CCAT2: variants seen among roughly 807,000 people sequenced by gnomAD.
CCAT2 encodes the protein colon cancer associated transcript 2.
exon 1 of CCAT2, chr8:127,401,761 T>C (rs1021614469): frequency 6.6e-6 from 1 of 152,184 alleles, no homozygotes; most frequent in Non-Finnish European, 1.5e-5. Flanking sequence ...ATCACCAACA[T>C]TTATGTGGTC....
At chr8:127,401,166 G>T (rs1377830492) in exon 1 of CCAT2, 2 of 152,186 alleles carry the variant, frequency 1.3e-5, no homozygotes, top group Non-Finnish European at 1.5e-5. Flanking sequence ...TGAATCAAAG[G>T]GCAGGAACCC....
chr8:127,400,680 C>T (rs1213690407), exon 1 of CCAT2: 2 of 152,176 alleles, frequency 1.3e-5, no homozygotes, highest in Non-Finnish European at 2.9e-5. Flanking sequence ...AATTAACTAC[C>T]TATTTGAATT....
exon 1 of CCAT2, chr8:127,402,131 G>A (rs998274732): frequency 6.6e-6 from 1 of 152,154 alleles, no homozygotes; most frequent in Non-Finnish European, 1.5e-5. Context: ...AGAGCCGTGG[G>A]CAACATCAGC....
chr8:127,401,639 A>G (rs1814939872), exon 1 of CCAT2: 1 of 152,206 alleles, frequency 6.6e-6, no homozygotes, highest in South Asian at 2.1e-4. Context: ...AGTTTACGTC[A>G]GCTTTTAAAG....
At chr8:127,401,556 G>A (rs919425391) in exon 1 of CCAT2, 1 of 152,180 alleles carries the variant, frequency 6.6e-6, no homozygotes, top group Non-Finnish European at 1.5e-5. Context: ...CAATGCATTG[G>A]TGAGCTGTGT....
chr8:127,401,121 G>T (rs1279669811), exon 1 of CCAT2: 1 of 152,186 alleles, frequency 6.6e-6, no homozygotes, highest in East Asian at 1.9e-4. Context: ...TTATGTGGGG[G>T]AGGGAGCCGG....
exon 1 of CCAT2, chr8:127,401,028 C>G (rs1006405708): frequency 6.6e-6 from 1 of 152,206 alleles, no homozygotes; most frequent in Non-Finnish European, 1.5e-5. Flanking sequence ...GAGTTAATAC[C>G]CTCATCGTCC....
exon 1 of CCAT2, chr8:127,401,538 G>T (rs79101886): frequency 0.059 from 9,054 of 152,236 alleles, 386 homozygotes; most frequent in Non-Finnish European, 0.086. Context: ...TACCAGTTTG[G>T]CCTATATCAA....
At chr8:127,400,428 G>A (rs1171735037) in exon 1 of CCAT2, 2 of 152,220 alleles carry the variant, frequency 1.3e-5, no homozygotes, top group East Asian at 1.9e-4. Flanking sequence ...TTTCCTGGAT[G>A]TTCTGGGTCT....
In CCAT2 at chr8:127,400,693, GA is replaced by G. The variant is rs1194628839; in HGVS notation, n.300del. The stretch of plus-strand genomic sequence containing the variant: ...GTAATTAACTACCTATTTGAATTTG[GA>G]AAAATCACCATCAACTTTCCCAGCC... On this transcript the variant is annotated non_coding_transcript_exon_variant, in exon 1 of 1. Transcript: ENST00000630920. 2.6e-5 allele frequency: 4 copies of G among 152,310 alleles called. No individual in the cohort carries two copies. In the East Asian group the frequency reaches 7.7e-4, roughly 29 times the overall value. The allele number at this position is 152,310 out of a possible 1,614,324, so 9.4% of individuals were successfully genotyped here.
At chr8:127,402,124 G>A (rs1259015197) in exon 1 of CCAT2, 1 of 152,172 alleles carries the variant, frequency 6.6e-6, no homozygotes, top group Non-Finnish European at 1.5e-5. Context: ...TGGGAAGAGA[G>A]CCGTGGGCAA....
At chr8:127,401,564 T>C (rs67180956) in exon 1 of CCAT2, 9,160 of 152,264 alleles carry the variant, frequency 0.06, 309 homozygotes, top group African/African-American at 0.094. Flanking sequence ...TGGTGAGCTG[T>C]GTTTTGTTTA....
exon 1 of CCAT2, chr8:127,401,723 G>A (rs1016991996): frequency 6.6e-6 from 1 of 152,188 alleles, no homozygotes; most frequent in African/African-American, 2.4e-5. Context: ...AGACTAAAGA[G>A]CCATAATCAT....
exon 1 of CCAT2, chr8:127,401,207 T>G (rs1159435722): frequency 2.6e-5 from 4 of 152,230 alleles, no homozygotes; most frequent in Non-Finnish European, 5.9e-5. Context: ...GGCCTTAGAC[T>G]GGGCTGTGTA....
exon 1 of CCAT2, chr8:127,400,613 A>T (rs1814927411): frequency 6.6e-6 from 1 of 152,220 alleles, no homozygotes; most frequent in South Asian, 2.1e-4. Context: ...CCCAAGAGCT[A>T]AGAGGAAACC....
chr8:127,401,764 A>T (rs968686773), exon 1 of CCAT2: 1 of 152,208 alleles, frequency 6.6e-6, no homozygotes, highest in Admixed American at 6.5e-5. Flanking sequence ...ACCAACATTT[A>T]TGTGGTCCCT....
chr8:127,401,906 A>T (rs1814942613), exon 1 of CCAT2: 1 of 152,256 alleles, frequency 6.6e-6, no homozygotes, highest in Admixed American at 6.5e-5. Context: ...CTAGTCTAGC[A>T]TCTCAATTTC....
chr8:127,401,923 G>A (rs1393296386), exon 1 of CCAT2: 3 of 152,286 alleles, frequency 2.0e-5, no homozygotes, highest in South Asian at 2.1e-4. Flanking sequence ...TTTCATCTAC[G>A]TGAAGAGCCT....
chr8:127,401,661 A>G (rs1407411650), exon 1 of CCAT2: 2 of 152,184 alleles, frequency 1.3e-5, no homozygotes, highest in Non-Finnish European at 2.9e-5. Context: ...TACCAGCAGC[A>G]CCATTTCAGT....
Sources: allele counts gnomAD v4.1 joint callset, GRCh38; gene constraint gnomAD v4.1.1; transcripts MANE v1.5; gene names NCBI Gene and HGNC (gene_info 2026-07-23, HGNC 2026-07-21).